Variants in ZNF415 observed in about 807,000 individuals in gnomAD.
ZNF415 encodes zinc finger protein 415.
Under a neutral mutation model 7.3 loss-of-function variants are expected in ZNF415, and 5 were observed. The ratio of observed to expected loss-of-function variants is 0.69; its 90% CI spans 0.36 to 1.44. ZNF415 has a LOEUF of 1.44. ZNF415 is among the 40% of genes most tolerant of loss of function. The pLI, the probability that ZNF415 is intolerant of heterozygous loss-of-function variation, is 0.04. For missense variants in ZNF415, 628 were observed against 664.8 expected (o/e 0.94, Z 0.61); for synonymous variants, 207 against 226.3 (o/e 0.91, Z 0.77).
At position 53,109,893 on chromosome 19, in the gene ZNF415, C is replaced by T. The variant is rs778512289; in HGVS notation, c.152G>A (p.Cys51Tyr). ...TTGTGGTGCTAGTTCCTTGATTACA[C>T]AGTTACGAGACAGATCTATAAGAAA... ...NLVSLDLSRN[C>Y]VIKELAPQQE... is the part of the protein sequence containing the mutation. The change falls in exon 4 of 4, where the codon TGT becomes TAT. Residue 51 changes from cysteine (C) to tyrosine (Y), a missense_variant. Cys to Tyr is a radical substitution (Grantham distance 194, BLOSUM62 -2). Coordinates refer to ENST00000243643, the MANE Select transcript of ZNF415 (RefSeq NM_018355.4). The T allele has an allele frequency of 6.3e-7, 1 of 1,589,894 alleles. No individual in the cohort carries two copies. Among genetic ancestry groups the T allele is most frequent in the South Asian group, 1.2e-5 (1 of 86,188 alleles).
At chr19:53,111,398 A>G (rs1275905539) in intron 3 of ZNF415, among the ~76,000 whole-genome samples, 3 of 146,162 alleles carry the variant, frequency 2.1e-5, no homozygotes, top group Non-Finnish European at 4.5e-5. Flanking sequence ...GCTGGAGTAC[A>G]ATGGCGCAAT....
Position 53,113,226 on chromosome 19 carries a change from T to TACA in ZNF415, c.136+3086_136+3087insTGT, listed in dbSNP as rs1601055799. On this transcript the variant is annotated intron_variant, in intron 3 of 3. Coordinates refer to ENST00000243643, the MANE Select transcript of ZNF415 (RefSeq NM_018355.4). ...CACTGGACTTTAAAAACCGAGGCAT[T>TACA]GGCCGGGCGCGGTGGCTCACGCCTG... Among the ~76,000 whole-genome samples the TACA allele has an allele frequency of 2.8e-5, 3 of 106,914 alleles. 1 individual carries two copies. Among genetic ancestry groups the TACA allele is most frequent in the African/African-American group, 3.5e-5 (1 of 28,340 alleles). The allele number at this position is 106,914 out of a possible 152,430, so 70.1% of individuals were successfully genotyped here.
chr19:53,123,126 T>C (rs1160548729), intron 1 of ZNF415, among the ~76,000 whole-genome samples: 3 of 152,032 alleles, frequency 2.0e-5, no homozygotes, highest in African/African-American at 7.2e-5. Flanking sequence ...TAGAATCATG[T>C]TGGGCACTGT....
intron 2 of ZNF415, 110 bp downstream of exon 2, chr19:53,122,552 G>A (rs1464721741): frequency 6.2e-6 from 10 of 1,601,630 alleles, no homozygotes; most frequent in African/African-American, 5.4e-5. Flanking sequence ...GTGAGCAAAC[G>A]CGTCAGGCAG....
chr19:53,118,876 G>A (rs1215426600), intron 2 of ZNF415, among the ~76,000 whole-genome samples: 2 of 152,120 alleles, frequency 1.3e-5, no homozygotes, highest in Non-Finnish European at 2.9e-5. Context: ...CAGGCACGGT[G>A]GCTCACTCCT....
At chr19:53,112,654 G>A (rs1303914007) in intron 3 of ZNF415, among the ~76,000 whole-genome samples, 1 of 152,214 alleles carries the variant, frequency 6.6e-6, no homozygotes, top group Non-Finnish European at 1.5e-5. Flanking sequence ...AAAAGCAACA[G>A]TATATTCCAT....
intron 3 of ZNF415, chr19:53,115,377 C>T (rs1025952869): frequency 2.9e-5 from 8 of 277,868 alleles, no homozygotes; most frequent in African/African-American, 1.5e-4. Flanking sequence ...GGAGAGACCA[C>T]GGGAGAAGTA....
intron 2 of ZNF415, among the ~76,000 whole-genome samples, chr19:53,119,144 T>C (rs2087545933): frequency 6.6e-6 from 1 of 151,562 alleles, no homozygotes; most frequent in South Asian, 2.1e-4. Flanking sequence ...TAGCTGGGTG[T>C]GGTGGTGGGC....
At chr19:53,115,613 A>G (rs896032092) in intron 3 of ZNF415, 1 of 993,316 alleles carries the variant, frequency 1.0e-6, no homozygotes, top group East Asian at 2.6e-5. Context: ...GGATATAAAC[A>G]TTTGTTTTCC....
chr19:53,129,817 C>G (rs2089807652), intron 1 of ZNF415: 2 of 384,340 alleles, frequency 5.2e-6, no homozygotes, highest in African/African-American at 4.1e-5. Flanking sequence ...GTAATCCCAG[C>G]ACTTCGAGGC....
Position 53,109,604 on chromosome 19 carries a change from G to C in ZNF415, c.441C>G (p.Pro147=). The C allele has an allele frequency of 6.2e-7, 1 of 1,614,060 alleles. No individual in the cohort carries two copies. The highest frequency in any genetic ancestry group is 1.1e-5 in the South Asian group (1 of 91,068). ...CAGCTTGAAACTGCTGCAGTTCATGGGGATGTGGTAGAAAGCTTAATCCAA... is the reference window on the plus strand; with the variant it reads ...CAGCTTGAAACTGCTGCAGTTCATGCGGATGTGGTAGAAAGCTTAATCCAA... ...HQLGLSFLPH[P]HELQQFQAEG... The change falls in exon 4 of 4, where the codon CCC becomes CCG. Residue 147 remains proline, a synonymous_variant. Transcript: ENST00000243643.
At chr19:53,114,922 G>A (rs1206088249) in intron 3 of ZNF415, among the ~76,000 whole-genome samples, 1 of 152,144 alleles carries the variant, frequency 6.6e-6, no homozygotes, top group Non-Finnish European at 1.5e-5. Flanking sequence ...CCCATCTTGT[G>A]GGCAGGTCTT....
chr19:53,115,335 C>CA (rs11434848), intron 3 of ZNF415: 26,856 of 191,352 alleles, frequency 0.14, 2,340 homozygotes, highest in African/African-American at 0.29. Flanking sequence ...AACTCCATCT[C>CA]AAAAAAAAAA....
At chr19:53,122,352 G>A (rs1053179112) in intron 2 of ZNF415, 25 of 1,512,634 alleles carry the variant, frequency 1.7e-5, no homozygotes, top group Non-Finnish European at 2.2e-5. Context: ...TCCAAATGTG[G>A]CCCCTGAACA....
chr19:53,131,215 A>ACATGG (rs1416186866), intron 1 of ZNF415, among the ~76,000 whole-genome samples: 1 of 151,782 alleles, frequency 6.6e-6, no homozygotes, highest in Non-Finnish European at 1.5e-5. Flanking sequence ...CTATGTAGTG[A>ACATGG]CAGTCTTTCA....
At chr19:53,119,045 C>T (rs1366194916) in intron 2 of ZNF415, among the ~76,000 whole-genome samples, 2 of 151,960 alleles carry the variant, frequency 1.3e-5, no homozygotes, top group African/African-American at 2.4e-5. Context: ...CTTTAGGAGG[C>T]CAAGGCGGGC....
intron 2 of ZNF415, among the ~76,000 whole-genome samples, chr19:53,118,392 G>A (rs1363044215): frequency 1.3e-5 from 2 of 152,162 alleles, no homozygotes; most frequent in African/African-American, 2.4e-5. Context: ...AGCTGATTTA[G>A]ACAGAAAATT....
chr19:53,115,837 T>C, intron 3 of ZNF415: 1 of 1,518,040 alleles, frequency 6.6e-7, no homozygotes, highest in Non-Finnish European at 8.9e-7. Context: ...ATTTCCCGCT[T>C]ATAAAATGAA....
chr19:53,108,774 T>G lies in ZNF415; in HGVS notation c.1271A>C (p.Asn424Thr), dbSNP rs146513773. 1.1e-5 allele frequency: 17 copies of G among 1,613,326 alleles called. No individual in the cohort carries two copies. Among genetic ancestry groups the G allele is most frequent in the Non-Finnish European group, 1.4e-5 (16 of 1,179,438 alleles). The change falls in exon 4 of 4, where the codon AAT (asparagine) becomes ACT (threonine). Residue 424 changes from asparagine to threonine, a missense_variant. Physicochemically the swap from Asn to Thr is moderately conservative, Grantham distance 65. Coordinates refer to ENST00000243643, the MANE Select transcript of ZNF415 (RefSeq NM_018355.4). ...TCTCCGATGACTCGCAAGGTGTGAATTGTAACTGAAAACCTTACCACATTC... is the reference window on the plus strand; with the variant it reads ...TCTCCGATGACTCGCAAGGTGTGAAGTGTAACTGAAAACCTTACCACATTC... ...CNECGKVFSY[N>T]SHLASHRRVH...
Sources: gnomAD v4.1 joint callset for allele counts (sites outside exome capture counted in the v4.1 genomes callset) on GRCh38, gnomAD v4.1.1 for gene constraint, MANE v1.5 for transcripts, NCBI Gene and HGNC (gene_info 2026-07-23, HGNC 2026-07-21) for gene names.